AP4S1: variants seen among roughly 807,000 people sequenced by gnomAD.
AP4S1 encodes adaptor related protein complex 4 subunit sigma 1, also known as AP-4 complex subunit sigma-1.
AP4S1 carries 23 observed loss-of-function variants against 19.8 expected under a neutral mutation model. The observed-to-expected ratio is 1.16, with a 90% confidence interval of 0.84 to 1.65. The LOEUF (loss-of-function observed/expected upper bound fraction) is 1.65, where lower values mean the gene tolerates loss of function less well. AP4S1 is among the 40% of genes most tolerant of loss of function. AP4S1 has a pLI of 0.00. For missense variants in AP4S1, 166 were observed against 172.8 expected, an observed-to-expected ratio of 0.96 and a Z score of 0.22; for synonymous variants, 46 against 54.1, an observed-to-expected ratio of 0.85 and a Z score of 0.66.
intron 1 of AP4S1, among the ~76,000 whole-genome samples, chr14:31,032,428 T>G (rs1267928907): frequency 6.6e-6 from 1 of 152,138 alleles, no homozygotes. Flanking sequence ...CTCAAATGTC[T>G]TCTTATCAGT....
intron 1 of AP4S1, among the ~76,000 whole-genome samples, chr14:31,048,969 A>G (rs1351967875): frequency 1.3e-5 from 2 of 151,370 alleles, no homozygotes; most frequent in African/African-American, 2.4e-5. Flanking sequence ...AACCCTGACT[A>G]ATGTCCAGGC....
chr14:31,085,882 G>A (rs1040831466), intron 5 of AP4S1: 1 of 975,872 alleles, frequency 1.0e-6, no homozygotes, highest in African/African-American at 1.8e-5. Flanking sequence ...GGTGGGTTGT[G>A]TGAAAAAACC....
Position 31,093,200 on chromosome 14 carries a change from C to T in AP4S1, c.*165C>T. 1 of 614,870 alleles carries T rather than the reference C, an allele frequency of 1.6e-6. No homozygotes were observed. The highest frequency in any genetic ancestry group is 2.5e-6 in the Non-Finnish European group (1 of 393,080). The allele number at this position is 614,870 out of a possible 1,614,324, so 38.1% of individuals were successfully genotyped here. A position where few individuals can be genotyped will look rare whatever the true frequency, so the allele number is the denominator to read the frequency against. On this transcript the variant is annotated 3_prime_UTR_variant, in exon 6 of 6. Transcript: ENST00000542754. ...TTTTCCACAGTTCCTAAAAAGAAAACACAACTGTACTTTAAAATATGTACA... is the reference window on the plus strand; with the variant it reads ...TTTTCCACAGTTCCTAAAAAGAAAATACAACTGTACTTTAAAATATGTACA...
At chr14:31,078,910 C>T (rs751218866) in intron 4 of AP4S1, among the ~76,000 whole-genome samples, 3 of 152,146 alleles carry the variant, frequency 2.0e-5, no homozygotes, top group Non-Finnish European at 4.4e-5. Flanking sequence ...CAGAGACGGC[C>T]TTGTCATGTA....
chr14:31,057,265 AG>A (rs1216137798), intron 1 of AP4S1, among the ~76,000 whole-genome samples: 2 of 152,194 alleles, frequency 1.3e-5, no homozygotes, highest in Non-Finnish European at 2.9e-5. Flanking sequence ...GACAAATATA[AG>A]GTGCATATGT....
At position 31,066,276 on chromosome 14, in the gene AP4S1, A is replaced by G; in HGVS notation, c.80A>G (p.Lys27Arg). ...TACTATGAACATGTGGATATTAATA[A>G]GCGTACACTTCTGGAAACAGAAGTC... ...SKYYEHVDIN[K>R]RTLLETEVIK... Residue 27 changes from lysine (K) to arginine (R), a missense_variant, in exon 2 of 6, where the codon AAG (lysine) becomes AGG (arginine). Transcript: ENST00000542754. 6.2e-7 allele frequency: 1 copy of G among 1,614,046 alleles called. No homozygotes were observed. The highest frequency in any genetic ancestry group is 8.5e-7 in the Non-Finnish European group (1 of 1,179,954).
intron 1 of AP4S1, among the ~76,000 whole-genome samples, chr14:31,059,826 C>T (rs1050895060): frequency 2.6e-5 from 4 of 151,822 alleles, no homozygotes; most frequent in Non-Finnish European, 4.4e-5. Flanking sequence ...CAGGCTTGGC[C>T]ACACTGGGCC....
At chr14:31,081,825 G>A (rs1245421335) in intron 5 of AP4S1, among the ~76,000 whole-genome samples, 1 of 151,378 alleles carries the variant, frequency 6.6e-6, no homozygotes, top group Non-Finnish European at 1.5e-5. Context: ...AAAACTACTG[G>A]TTCTGGGCGT....
At chr14:31,026,403 G>A (rs996421747) in intron 1 of AP4S1, 4 of 453,520 alleles carry the variant, frequency 8.8e-6, no homozygotes, top group African/African-American at 8.3e-5. Context: ...ACTCACTTTA[G>A]GGGAAGGGGG....
chr14:31,035,396 T>TGC (rs10627244), intron 1 of AP4S1, among the ~76,000 whole-genome samples: 5 of 24,432 alleles, frequency 2.0e-4, no homozygotes, highest in African/African-American at 1.3e-3. Flanking sequence ...GGTTTCACCA[T>TGC]TGGCCAGGAT....
At chr14:31,079,950 T>A (rs1452983334) in intron 4 of AP4S1, among the ~76,000 whole-genome samples, 2 of 152,232 alleles carry the variant, frequency 1.3e-5, no homozygotes, top group Non-Finnish European at 2.9e-5. Flanking sequence ...TCTATGTCTG[T>A]CTGTAGCTGT....
At position 31,072,678 on chromosome 14, in the gene AP4S1, A is replaced by T. The variant is rs191299441; in HGVS notation, c.226-227A>T. On this transcript the variant is annotated intron_variant, in intron 3 of 5. Transcript: ENST00000542754. ...GAACCATCACATCTGGCCAAAAAAA[A>T]TCCTAGAAGTTAAGGTTTATCTACA... is the stretch of plus-strand genomic sequence containing the variant. Among the ~76,000 whole-genome samples the T allele has an allele frequency of 4.6e-5, 7 of 152,312 alleles. No homozygotes were observed. In the East Asian group the frequency reaches 1.4e-3, roughly 29 times the overall value.
chr14:31,055,424 A>AG (rs1288241951), intron 1 of AP4S1, among the ~76,000 whole-genome samples: 1 of 152,182 alleles, frequency 6.6e-6, no homozygotes, highest in Non-Finnish European at 1.5e-5. Context: ...AGCCTGTTCT[A>AG]GGAATGTTAC....
At chr14:31,027,769 A>G (rs1456049539) in intron 1 of AP4S1, among the ~76,000 whole-genome samples, 2 of 152,250 alleles carry the variant, frequency 1.3e-5, no homozygotes, top group African/African-American at 4.8e-5. Context: ...CCTAGAAAAT[A>G]TCCTAATGCA....
At chr14:31,082,710 C>A (rs1003770409) in intron 5 of AP4S1, among the ~76,000 whole-genome samples, 1 of 151,972 alleles carries the variant, frequency 6.6e-6, no homozygotes, top group Non-Finnish European at 1.5e-5. Flanking sequence ...TCCTGGCTAA[C>A]AAGGTGAAAC....
chr14:31,078,760 A>G (rs1331484112), intron 4 of AP4S1, among the ~76,000 whole-genome samples: 1 of 152,152 alleles, frequency 6.6e-6, no homozygotes, highest in Non-Finnish European at 1.5e-5. Flanking sequence ...ATTAGAATTT[A>G]ATTTCAGCCA....
At chr14:31,043,657 AATC>A (rs1457836729) in intron 1 of AP4S1, among the ~76,000 whole-genome samples, 1 of 152,232 alleles carries the variant, frequency 6.6e-6, no homozygotes, top group Non-Finnish European at 1.5e-5. Context: ...GAGAAAACTG[AATC>A]ATCGTAGAAT....
intron 5 of AP4S1, chr14:31,084,923 G>A (rs775509259): frequency 1.2e-6 from 2 of 1,613,740 alleles, no homozygotes; most frequent in Non-Finnish European, 1.7e-6. Flanking sequence ...CAGTATGGGA[G>A]ACACACCAAC....
At chr14:31,088,233 A>G (rs1205895112) in intron 5 of AP4S1, among the ~76,000 whole-genome samples, 2 of 152,124 alleles carry the variant, frequency 1.3e-5, no homozygotes, top group African/African-American at 4.8e-5. Flanking sequence ...GCTAGGTGCC[A>G]TATTCATCCG....
Sources: gnomAD v4.1 joint callset for allele counts (sites outside exome capture counted in the v4.1 genomes callset) on GRCh38, gnomAD v4.1.1 for gene constraint, MANE v1.5 for transcripts, NCBI Gene and HGNC (gene_info 2026-07-23, HGNC 2026-07-21) for gene names.